Variants in BRWD3 observed in about 807,000 individuals in gnomAD.
BRWD3 encodes the protein bromodomain and WD repeat domain containing 3.
In BRWD3, 10 loss-of-function variants were observed where a neutral mutation model predicts 149.7. The ratio of observed to expected loss-of-function variants is 0.07; its 90% CI spans 0.04 to 0.11. The LOEUF is 0.11. BRWD3 is among the 10% of genes least tolerant of loss of function. The probability of loss-of-function intolerance (pLI) is 1.00; values close to 1 mark genes in which losing one functional copy is unlikely to be tolerated. For missense variants in BRWD3, 940 were observed against 1,373.2 expected (o/e 0.68, Z 4.99); for synonymous variants, 504 against 456.7 (o/e 1.10, Z -1.32).
rs2072534090 is a variant in BRWD3, at chrX:80,686,864, G to A, written c.4004C>T (p.Pro1335Leu). 2 of 1,208,321 alleles carry A rather than the reference G, an allele frequency of 1.7e-6. No homozygotes were observed. Among genetic ancestry groups the A allele is most frequent in the African/African-American group, 1.7e-5 (1 of 57,595 alleles). ...FRQPADLLSY[P>L]GHQEQEGESS... is the part of the protein sequence containing the mutation. Reference sequence around the variant, plus strand: ...TTATTTAAACAACTGTATGCTTACTGGGTAAGAAAGAAGATCAGCTGGCTG... The same window carrying A: ...TTATTTAAACAACTGTATGCTTACTAGGTAAGAAAGAAGATCAGCTGGCTG... The change falls in exon 35 of 41, where the codon CCA becomes CTA. Residue 1335 changes from proline (P) to leucine (L), a missense_variant and splice_region_variant. By Grantham distance (98) the Pro-to-Leu change is moderately conservative. Around this residue, in one of 6 missense-constraint regions of BRWD3, gnomAD observed 349 missense variants for 419.6 expected, o/e 0.83. Coordinates refer to ENST00000373275, the MANE Select transcript of BRWD3 (RefSeq NM_153252.5).
Position 80,685,677 on chromosome X carries a change from G to A in BRWD3, c.4006-141C>T. ...GGCTGTACTTTAAGGTGAAGGAATTGTACATTCGTCATTCTCCTTTGCTAT... is the reference window on the plus strand; with the variant it reads ...GGCTGTACTTTAAGGTGAAGGAATTATACATTCGTCATTCTCCTTTGCTAT... On this transcript the variant is annotated intron_variant, in intron 35 of 40. Coordinates refer to ENST00000373275, the MANE Select transcript of BRWD3 (RefSeq NM_153252.5). The A allele has an allele frequency of 1.2e-5, 6 of 498,256 alleles. No individual in the cohort carries two copies. The South Asian group carries it at 1.8e-4, about 15-fold the overall frequency. 41.1% of individuals were successfully genotyped at this position (498,256 alleles called of 1,213,427 possible). A position where few individuals can be genotyped will look rare whatever the true frequency, so the allele number is the denominator to read the frequency against.
In BRWD3 at chrX:80,684,219, G is replaced by T. The variant is rs2072491790; in HGVS notation, c.4081-57C>A. 5.7e-6 allele frequency: 6 copies of T among 1,052,368 alleles called. No homozygotes were observed. In the South Asian group the frequency reaches 7.8e-5, roughly 14 times the overall value. 86.7% of individuals were successfully genotyped at this position (1,052,368 alleles called of 1,213,427 possible). A position where few individuals can be genotyped will look rare whatever the true frequency, so the allele number is the denominator to read the frequency against. On this transcript the variant is annotated intron_variant, in intron 36 of 40. Coordinates refer to ENST00000373275, the MANE Select transcript of BRWD3 (RefSeq NM_153252.5). ...ATAGCAATATTAAGGAATACAATGG[G>T]ACTAAAATTGGTATCACCTACTACG... is the stretch of plus-strand genomic sequence containing the variant.
intron 8 of BRWD3, among the ~76,000 whole-genome samples, chrX:80,739,705 C>T (rs911648957): frequency 9.0e-6 from 1 of 111,641 alleles, no homozygotes; most frequent in African/African-American, 3.3e-5. Flanking sequence ...TAGTACCAAG[C>T]CCTAAGTTTT....
intron 4 of BRWD3, among the ~76,000 whole-genome samples, chrX:80,800,733 G>T (rs904271517): frequency 1.0e-4 from 11 of 110,263 alleles, no homozygotes; most frequent in Non-Finnish European, 1.7e-4. Context: ...TGAAAGAGAA[G>T]TGAAAAACCG....
intron 6 of BRWD3, among the ~76,000 whole-genome samples, chrX:80,771,581 C>CA (rs1249598549): frequency 8.1e-5 from 9 of 110,830 alleles, no homozygotes; most frequent in Non-Finnish European, 1.7e-4. Flanking sequence ...ACTAAAACAC[C>CA]AAAAGCAATG....
chrX:80,757,056 CT>C (rs778990210), intron 6 of BRWD3, among the ~76,000 whole-genome samples: 22 of 111,904 alleles, frequency 2.0e-4, no homozygotes, highest in Non-Finnish European at 1.7e-4. Context: ...TACTCCTAGC[CT>C]GATGTATTCA....
intron 37 of BRWD3, among the ~76,000 whole-genome samples, chrX:80,683,112 AAAC>A (rs1192391486): frequency 8.9e-6 from 1 of 112,030 alleles, no homozygotes; most frequent in African/African-American, 3.2e-5. Context: ...GTATAACATA[AAAC>A]AACCACACAA....
At chrX:80,689,340 C>T (rs957281368) in intron 33 of BRWD3, among the ~76,000 whole-genome samples, 6 of 111,358 alleles carry the variant, frequency 5.4e-5, no homozygotes, top group Non-Finnish European at 5.7e-5. Context: ...GAAAGGAAAT[C>T]GAGTAATAAT....
rs368790001 is a variant in BRWD3 at position 80,719,332 on chromosome X, T to A, written c.2044+157A>T. 5.5e-4 allele frequency among the ~76,000 whole-genome samples: 61 copies of A among 111,793 alleles called. 1 individual carries two copies. The South Asian group carries it at 0.018, about 33-fold the overall frequency. On this transcript the variant is annotated intron_variant, in intron 18 of 40. Transcript: ENST00000373275. Reference sequence around the variant, plus strand: ...CTTAAGTCATTTTATCCACAAATGATGAGATTATGAGACTTCAATATATCT... The same window carrying A: ...CTTAAGTCATTTTATCCACAAATGAAGAGATTATGAGACTTCAATATATCT...
chrX:80,696,381 T>C (rs2072692876), intron 26 of BRWD3, among the ~76,000 whole-genome samples: 1 of 110,614 alleles, frequency 9.0e-6, no homozygotes, highest in Non-Finnish European at 1.9e-5. Flanking sequence ...ATTAGGGAAT[T>C]ATAAAGGTTT....
chrX:80,736,184 A>G (rs1030522832), intron 8 of BRWD3, 96 bp from the exon 9 acceptor site: 8 of 555,590 alleles, frequency 1.4e-5, no homozygotes, highest in Non-Finnish European at 2.3e-5. Context: ...TTTAACAAAT[A>G]TAATTTCAAT....
chrX:80,801,289 G>A (rs2074294815), intron 4 of BRWD3, among the ~76,000 whole-genome samples: 1 of 87,035 alleles, frequency 1.1e-5, no homozygotes, highest in African/African-American at 4.6e-5. Context: ...GGCGAGATCT[G>A]GGCTCACTGC....
chrX:80,682,334 C>T (rs1404784143), intron 38 of BRWD3, 131 bp downstream of exon 38: 8 of 749,426 alleles, frequency 1.1e-5, no homozygotes, highest in Admixed American at 2.4e-5. Flanking sequence ...TCTACATAGG[C>T]ATAAGAGTTT....
Position 80,690,062 on chromosome X carries a change from G to C in BRWD3, c.3633C>G (p.Arg1211=), listed in dbSNP as rs757030431. 9 of 1,207,867 alleles carry C rather than the reference G, an allele frequency of 7.5e-6. No homozygotes were observed. The highest frequency in any genetic ancestry group is 1.0e-5 in the Non-Finnish European group (9 of 892,657). ...RRISALMWEV[R]YIEHNARTFN... is the part of the protein sequence containing the mutation. Reference sequence around the variant, plus strand: ...AAGTCCTGGCATTATGTTCAATATAGCGTACCTCCCACATTAATGCTGATA... The same window carrying C: ...AAGTCCTGGCATTATGTTCAATATACCGTACCTCCCACATTAATGCTGATA... Residue 1211 remains arginine, a synonymous_variant, in exon 32 of 41, where the codon CGC becomes CGG. Coordinates refer to ENST00000373275, the MANE Select transcript of BRWD3 (RefSeq NM_153252.5).
chrX:80,748,264 C>T (rs1602389185), intron 6 of BRWD3, among the ~76,000 whole-genome samples: 2 of 112,176 alleles, frequency 1.8e-5, no homozygotes, highest in African/African-American at 3.2e-5. Context: ...CTGCCCACCT[C>T]GGCCTCCCAA....
intron 20 of BRWD3, among the ~76,000 whole-genome samples, chrX:80,712,424 T>G (rs1327313545): frequency 1.8e-5 from 2 of 110,923 alleles, no homozygotes; most frequent in Non-Finnish European, 3.8e-5. Flanking sequence ...GTGCCGGGAT[T>G]GCAGACGGAG....
chrX:80,744,240 C>G lies in BRWD3; in HGVS notation c.605G>C (p.Cys202Ser). 1.7e-6 allele frequency: 2 copies of G among 1,204,912 alleles called. No homozygotes were observed. The highest frequency in any genetic ancestry group is 1.8e-5 in the South Asian group (1 of 56,861). The change falls in exon 8 of 41, where the codon TGT becomes TCT. Residue 202 changes from cysteine to serine, a missense_variant. By Grantham distance (112) the Cys-to-Ser change is moderately radical (BLOSUM62 -1). This residue lies in a region of BRWD3 where 209 missense variants were observed against 396.8 expected (regional missense o/e 0.53). Transcript: ENST00000373275. ...ATCTGTAGCCCAAATTTTTACTAAACAGTCATCTGAACCCTATAGTAACAA... is the reference window on the plus strand; with the variant it reads ...ATCTGTAGCCCAAATTTTTACTAAAGAGTCATCTGAACCCTATAGTAACAA... Reference protein sequence around the residue: ...GRRIFTGSDDCLVKIWATDDG... With the variant: ...GRRIFTGSDDSLVKIWATDDG...
Position 80,713,638 on chromosome X carries a change from T to C in BRWD3, c.2325+2519A>G, listed in dbSNP as rs371489448. Reference sequence around the variant, plus strand: ...GCTGACCTTCCCTCCACTATTGTCCTATGACCCTGCCAAATCCCCCTCTGC... The same window carrying C: ...GCTGACCTTCCCTCCACTATTGTCCCATGACCCTGCCAAATCCCCCTCTGC... On this transcript the variant is annotated intron_variant, in intron 20 of 40. Coordinates refer to ENST00000373275, the MANE Select transcript of BRWD3 (RefSeq NM_153252.5). 3.6e-4 allele frequency among the ~76,000 whole-genome samples: 40 copies of C among 109,801 alleles called. 3 individuals are homozygous for C. The highest frequency in any genetic ancestry group is 2.4e-3 in the Admixed American group (25 of 10,360).
chrX:80,780,625 T>C (rs2074046943), intron 6 of BRWD3, among the ~76,000 whole-genome samples: 1 of 111,882 alleles, frequency 8.9e-6, no homozygotes, highest in Non-Finnish European at 1.9e-5. Flanking sequence ...CCAGTTTAAT[T>C]ACTTGCAGGT....
Sources: gnomAD v4.1 joint callset for allele counts (sites outside exome capture counted in the v4.1 genomes callset) on GRCh38, gnomAD v4.1.1 for gene constraint, gnomAD v4.1.1 regional missense constraint, MANE v1.5 for transcripts, NCBI Gene and HGNC (gene_info 2026-07-23, HGNC 2026-07-21) for gene names.